The following QTMAN variants were observed in gnomAD, a reference collection of about 807,000 sequenced individuals.
QTMAN encodes queuosine-tRNA mannosyltransferase, also known as tRNA-queuosine alpha-mannosyltransferase.
At chr2:144,031,778 G>A in the QTMAN span, among the ~76,000 whole-genome samples, 1 of 151,858 alleles carries the variant, frequency 6.6e-6, no homozygotes, top group Admixed American at 6.6e-5. Context: ...TTTTTCTTGA[G>A]ACAGAATCTC....
chr2:144,207,195 C>A, the QTMAN span, among the ~76,000 whole-genome samples: 2 of 151,914 alleles, frequency 1.3e-5, no homozygotes, highest in Non-Finnish European at 1.5e-5. Flanking sequence ...ACTTTAAATT[C>A]GAAAAAAATA....
At chr2:144,314,952 C>G in the QTMAN span, among the ~76,000 whole-genome samples, 2 of 152,108 alleles carry the variant, frequency 1.3e-5, no homozygotes, top group African/African-American at 2.4e-5. Context: ...GTGGAGTGAT[C>G]TCGGCTCACT....
chr2:144,222,537 T>G, the QTMAN span, among the ~76,000 whole-genome samples: 23 of 151,190 alleles, frequency 1.5e-4, no homozygotes, highest in African/African-American at 5.6e-4. Context: ...CTGGGCGTGG[T>G]GGCTCACACC....
At chr2:143,991,158 G>A in the QTMAN span, among the ~76,000 whole-genome samples, 1 of 152,112 alleles carries the variant, frequency 6.6e-6, no homozygotes, top group Non-Finnish European at 1.5e-5. Flanking sequence ...CAAAAGGAGA[G>A]AAGAGAGCGA....
the QTMAN span, among the ~76,000 whole-genome samples, chr2:144,105,133 T>A: frequency 6.6e-6 from 1 of 151,950 alleles, no homozygotes; most frequent in Non-Finnish European, 1.5e-5. Context: ...AGATCGAAGG[T>A]AGATAAAACC....
chr2:144,180,433 C>T, the QTMAN span, among the ~76,000 whole-genome samples: 1 of 151,976 alleles, frequency 6.6e-6, no homozygotes, highest in Non-Finnish European at 1.5e-5. Context: ...TTAAAAAATG[C>T]TTTCTGAACT....
the QTMAN span, among the ~76,000 whole-genome samples, chr2:143,953,352 T>C: frequency 6.6e-6 from 1 of 152,002 alleles, no homozygotes; most frequent in East Asian, 1.9e-4. Flanking sequence ...TTTAAGCTCA[T>C]GCTTCAAAAC....
the QTMAN span, among the ~76,000 whole-genome samples, chr2:144,048,487 G>A: frequency 1.3e-5 from 2 of 152,018 alleles, no homozygotes; most frequent in East Asian, 1.9e-4. Context: ...GGGGCTGTGT[G>A]GATGGTGATT....
At chr2:143,943,604 T>A in the QTMAN span, 4 of 152,218 alleles carry the variant, frequency 2.6e-5, no homozygotes, top group African/African-American at 9.6e-5. Context: ...ATATCAAATA[T>A]AATTAACACC....
chr2:144,133,364 TATA>T, the QTMAN span, among the ~76,000 whole-genome samples: 1 of 39,468 alleles, frequency 2.5e-5, no homozygotes, highest in Admixed American at 4.3e-4. Flanking sequence ...ATATATATAA[TATA>T]ATATATAATA....
chr2:144,274,452 G>A, the QTMAN span, among the ~76,000 whole-genome samples: 286 of 152,330 alleles, frequency 1.9e-3, no homozygotes, highest in African/African-American at 6.1e-3. Context: ...TTAGTGGGCT[G>A]GAACTTTCAG....
chr2:144,255,883 A>G, the QTMAN span, among the ~76,000 whole-genome samples: 2 of 152,336 alleles, frequency 1.3e-5, no homozygotes, highest in East Asian at 3.9e-4. Context: ...TGGTTCGTCT[A>G]TTGTAACAAA....
At chr2:144,066,582 G>A in the QTMAN span, among the ~76,000 whole-genome samples, 3 of 152,198 alleles carry the variant, frequency 2.0e-5, no homozygotes, top group Non-Finnish European at 4.4e-5. Context: ...TTGGGAGGCC[G>A]AGGTGGGTGG....
chr2:144,096,976 G>C, the QTMAN span, among the ~76,000 whole-genome samples: 3 of 152,228 alleles, frequency 2.0e-5, no homozygotes, highest in African/African-American at 7.2e-5. Context: ...TGTTCATACA[G>C]ATACATAATC....
At chr2:144,154,176 C>T in the QTMAN span, among the ~76,000 whole-genome samples, 1 of 152,152 alleles carries the variant, frequency 6.6e-6, no homozygotes, top group Admixed American at 6.5e-5. Flanking sequence ...TTTATTTCAA[C>T]CCTTTATCCA....
the QTMAN span, among the ~76,000 whole-genome samples, chr2:144,289,770 T>C: frequency 6.6e-6 from 1 of 152,176 alleles, no homozygotes; most frequent in Admixed American, 6.5e-5. Context: ...GCAGAATGAA[T>C]AAGAAAACAC....
At chr2:144,294,401 A>T in the QTMAN span, 1 of 152,154 alleles carries the variant, frequency 6.6e-6, no homozygotes, top group Non-Finnish European at 1.5e-5. Flanking sequence ...GCTCTCGGAC[A>T]TCATTATTTT....
the QTMAN span, among the ~76,000 whole-genome samples, chr2:144,001,507 CT>C: frequency 1.6e-3 from 247 of 152,066 alleles, no homozygotes; most frequent in African/African-American, 5.7e-3. Context: ...AGTCATTCTA[CT>C]TTAAGTGAAG....
the QTMAN span, among the ~76,000 whole-genome samples, chr2:144,193,505 C>T: frequency 4.8e-5 from 7 of 146,156 alleles, no homozygotes; most frequent in South Asian, 4.3e-4. Flanking sequence ...ATATATATTA[C>T]GTGTGTGTGT....
Sources: allele counts gnomAD v4.1 joint callset (sites outside exome capture counted in the v4.1 genomes callset), GRCh38; gene constraint gnomAD v4.1.1; transcripts MANE v1.5; gene names NCBI Gene and HGNC (gene_info 2026-07-23, HGNC 2026-07-21).